Variants in PITPNM2 observed in about 807,000 individuals in gnomAD.
PITPNM2 encodes phosphatidylinositol transfer protein membrane associated 2, also known as membrane-associated phosphatidylinositol transfer protein 2.
PITPNM2 carries 35 observed loss-of-function variants against 132.2 expected under a neutral mutation model. That is an observed-to-expected ratio of 0.26 (90% CI 0.20 to 0.35). PITPNM2 has a LOEUF of 0.35. Ranked by LOEUF, PITPNM2 falls within the 10% of genes least tolerant of loss-of-function variation. The pLI is 1.00. For synonymous variants in PITPNM2, 738 were observed against 799.2 expected (o/e 0.92, Z 1.29); for missense variants, 1,332 against 1,912.0 (o/e 0.70, Z 5.66).
At chr12:123,070,141 G>A (rs1230797783) in intron 2 of PITPNM2, among the ~76,000 whole-genome samples, 2 of 152,308 alleles carry the variant, frequency 1.3e-5, no homozygotes, top group African/African-American at 4.8e-5. Context: ...GGGGCAAGAG[G>A]TCGCCATGCC....
chr12:122,990,743 A>T (rs1475458978), intron 16 of PITPNM2, 34 bp from the exon 17 acceptor site: 1 of 1,560,314 alleles, frequency 6.4e-7, no homozygotes, highest in Admixed American at 1.7e-5. Context: ...GCCAGGTAAG[A>T]GAGGCCCTGC....
intron 1 of PITPNM2, among the ~76,000 whole-genome samples, chr12:123,145,093 T>C (rs752793670): frequency 5.9e-5 from 9 of 151,996 alleles, no homozygotes; most frequent in Admixed American, 1.3e-4. Flanking sequence ...AGGAGGATCA[T>C]TGGGCCCAGG....
chr12:123,076,747 C>T (rs1344285063), intron 2 of PITPNM2, among the ~76,000 whole-genome samples: 2 of 152,214 alleles, frequency 1.3e-5, no homozygotes, highest in African/African-American at 4.8e-5. Flanking sequence ...GTGAGTCAGA[C>T]AGGGCTACTT....
intron 1 of PITPNM2, among the ~76,000 whole-genome samples, chr12:123,126,998 T>C (rs1286575177): frequency 3.3e-5 from 5 of 152,198 alleles, no homozygotes; most frequent in Non-Finnish European, 5.9e-5. Flanking sequence ...CATGGTGGTC[T>C]AGGGGATGCC....
At chr12:123,090,510 T>C (rs1483215723) in intron 2 of PITPNM2, 2 of 152,068 alleles carry the variant, frequency 1.3e-5, no homozygotes, top group Non-Finnish European at 2.9e-5. Flanking sequence ...CAGGCACAGG[T>C]GCCAACACAC....
At position 123,068,185 on chromosome 12, in the gene PITPNM2, C is replaced by T. The variant is rs895443740; in HGVS notation, c.-95-33500G>A. On this transcript the variant is annotated intron_variant, in intron 2 of 25. Coordinates refer to ENST00000320201, the MANE Select transcript of PITPNM2 (RefSeq NM_020845.3). ...CAGCTTTGCTAAAAATCCACGGGCA[C>T]GGCCGGGCACGGTGGCTCACGCCTG... Among the ~76,000 whole-genome samples the T allele has an allele frequency of 1.1e-4, 11 of 99,142 alleles. No homozygotes were observed. In the East Asian group the frequency reaches 1.8e-3, roughly 16 times the overall value. 65.0% of individuals were successfully genotyped at this position (99,142 alleles called of 152,430 possible). A position where few individuals can be genotyped will look rare whatever the true frequency, so the allele number is the denominator to read the frequency against.
chr12:123,067,353 G>A (rs2136854319), intron 2 of PITPNM2, among the ~76,000 whole-genome samples: 1 of 152,104 alleles, frequency 6.6e-6, no homozygotes, highest in East Asian at 1.9e-4. Context: ...CTACTCAGGA[G>A]GCTGAGGCAG....
upstream of PITPNM2, among the ~76,000 whole-genome samples, chr12:123,151,529 C>G (rs575636775): frequency 6.6e-6 from 1 of 152,320 alleles, no homozygotes; most frequent in African/African-American, 2.4e-5. Flanking sequence ...CGAAGCCCAG[C>G]CCCGGGCGCG....
rs2039033575 is a variant in PITPNM2 at position 123,008,460 on chromosome 12, T to G, written c.643+1390A>C. On this transcript the variant is annotated intron_variant, in intron 6 of 25. Coordinates refer to ENST00000320201, the MANE Select transcript of PITPNM2 (RefSeq NM_020845.3). The surrounding 1 kb of genome is among the most constrained non-coding windows in gnomAD (Gnocchi z 4.1). ...CCCAGGATAGGGGAGCCCCTCCCAG[T>G]CCTGCCCACATGCTCCTCCACTCCT... is the stretch of plus-strand genomic sequence containing the variant. Among the ~76,000 whole-genome samples, 1 of 152,154 alleles carries G rather than the reference T, an allele frequency of 6.6e-6. No homozygotes were observed. The highest frequency in any genetic ancestry group is 1.5e-5 in the Non-Finnish European group (1 of 68,024).
At chr12:122,990,915 C>T (rs2038160757) in intron 16 of PITPNM2, among the ~76,000 whole-genome samples, 2 of 152,118 alleles carry the variant, frequency 1.3e-5, no homozygotes, top group South Asian at 4.1e-4. Flanking sequence ...GGTGGACTGA[C>T]GAATGGACAC....
chr12:123,131,166 T>C (rs2043253888), intron 1 of PITPNM2, among the ~76,000 whole-genome samples: 1 of 152,184 alleles, frequency 6.6e-6, no homozygotes. Context: ...TACTTGGAAA[T>C]AGGGTCACTG....
intron 2 of PITPNM2, among the ~76,000 whole-genome samples, chr12:123,074,092 G>C (rs971046814): frequency 1.3e-5 from 2 of 152,192 alleles, no homozygotes; most frequent in South Asian, 4.1e-4. Flanking sequence ...GGGAGGGAGC[G>C]AAGGAGTGAA....
chr12:123,069,863 C>G (rs1409913575), intron 2 of PITPNM2, among the ~76,000 whole-genome samples: 1 of 152,144 alleles, frequency 6.6e-6, no homozygotes, highest in African/African-American at 2.4e-5. Flanking sequence ...GGCAGGTGAC[C>G]CAACTTCCAG....
Position 123,069,894 on chromosome 12 carries a change from C to T in PITPNM2, c.-95-35209G>A, listed in dbSNP as rs1037281977. 7.7e-4 allele frequency among the ~76,000 whole-genome samples: 117 copies of T among 152,332 alleles called. 2 individuals carry two copies. The highest frequency in any genetic ancestry group is 2.9e-5 in the Non-Finnish European group (2 of 68,030). On this transcript the variant is annotated intron_variant, in intron 2 of 25. Coordinates refer to ENST00000320201, the MANE Select transcript of PITPNM2 (RefSeq NM_020845.3). ...TCCAGGCCCCTTCCTGGAACAGATT[C>T]TGGTCATCTGCCCTGACCGTTTCCC...
At chr12:123,085,806 C>T (rs2042095383) in intron 2 of PITPNM2, among the ~76,000 whole-genome samples, 1 of 152,220 alleles carries the variant, frequency 6.6e-6, no homozygotes, top group Non-Finnish European at 1.5e-5. Flanking sequence ...CCCAGACAGA[C>T]TCAATGCTTA....
rs933362651 is a variant in PITPNM2 at position 122,993,394 on chromosome 12, TGTTAATTATTA to T, written c.2234-736_2234-726del. On this transcript the variant is annotated intron_variant, in intron 15 of 25. Transcript: ENST00000320201. This position sits in a 1 kb window ranked among gnomAD's most constrained non-coding sequence, Gnocchi z 5.2. ...AGGAGATCACGTGAATGCAAGGTTG[TGTTAATTATTA>T]GTGCTGTATCTCACTTTTAGAGGGA... 2.6e-5 allele frequency among the ~76,000 whole-genome samples: 4 copies of T among 152,224 alleles called. No homozygotes were observed. The highest frequency in any genetic ancestry group is 7.2e-5 in the African/African-American group (3 of 41,458).
chr12:123,068,874 G>A (rs967462679), intron 2 of PITPNM2, among the ~76,000 whole-genome samples: 3 of 152,240 alleles, frequency 2.0e-5, no homozygotes, highest in African/African-American at 7.2e-5. Flanking sequence ...GATAATGTCA[G>A]AGCCAAGATG....
At position 123,064,837 on chromosome 12, in the gene PITPNM2, C is replaced by G. The variant is rs2041361910; in HGVS notation, c.-95-30152G>C. Reference sequence around the variant, plus strand: ...ACTAGCTCTGGGGCCAGACCACGTTCACATTCAAGCCTTGTCTTTGAGCAA... The same window carrying G: ...ACTAGCTCTGGGGCCAGACCACGTTGACATTCAAGCCTTGTCTTTGAGCAA... On this transcript the variant is annotated intron_variant, in intron 2 of 25. Transcript: ENST00000320201. This position sits in a 1 kb window ranked among gnomAD's most constrained non-coding sequence, Gnocchi z 4.0. Among the ~76,000 whole-genome samples, 2 of 152,232 alleles carry G rather than the reference C, an allele frequency of 1.3e-5. No homozygotes were observed. The highest frequency in any genetic ancestry group is 4.1e-4 in the South Asian group (2 of 4,834).
intron 1 of PITPNM2, among the ~76,000 whole-genome samples, chr12:123,148,725 T>C (rs1033724675): frequency 2.0e-5 from 3 of 152,162 alleles, no homozygotes; most frequent in East Asian, 1.9e-4. Context: ...CAGCAAAGCA[T>C]TGGGGATGCA....
Sources: allele counts gnomAD v4.1 joint callset (sites outside exome capture counted in the v4.1 genomes callset), GRCh38; gene constraint gnomAD v4.1.1; non-coding constraint Gnocchi (gnomAD v3.1); transcripts MANE v1.5; gene names NCBI Gene and HGNC (gene_info 2026-07-23, HGNC 2026-07-21).